Variants in MAPT observed in about 807,000 individuals in gnomAD.
MAPT encodes microtubule-associated protein tau.
MAPT carries 34 observed loss-of-function variants against 67.9 expected under a neutral mutation model. The ratio of observed to expected loss-of-function variants is 0.50; its 90% CI spans 0.38 to 0.67. The LOEUF (loss-of-function observed/expected upper bound fraction) is 0.67, where lower values mean the gene tolerates loss of function less well. Among genes scored for constraint, MAPT ranks in the 30% least tolerant of loss-of-function variants. MAPT has a pLI of 0.00. For synonymous variants in MAPT, 456 were observed against 464.5 expected (o/e 0.98, Z 0.23); for missense variants, 881 against 1,115.2 (o/e 0.79, Z 2.99).
intron 1 of MAPT, chr17:45,895,619 C>G (rs1202105828): frequency 6.6e-6 from 1 of 152,330 alleles, no homozygotes; most frequent in African/African-American, 2.4e-5. Context: ...GAGCGCAGGG[C>G]GCCCGGCGTG....
In MAPT at chr17:45,971,161, G is replaced by C. The variant is rs991668349; in HGVS notation, c.134-698G>C. 6.6e-6 allele frequency among the ~76,000 whole-genome samples: 1 copy of C among 152,112 alleles called. No individual in the cohort carries two copies. Among genetic ancestry groups the C allele is most frequent in the African/African-American group, 2.4e-5 (1 of 41,418 alleles). On this transcript the variant is annotated intron_variant, in intron 2 of 12. Transcript: ENST00000262410. This position sits in a 1 kb window ranked among gnomAD's most constrained non-coding sequence, Gnocchi z 4.3. ...GAGGTAGTTTTCTCATTTCTATTAA[G>C]GCAACAAAAGCTGCCTTACTAAGGA...
intron 11 of MAPT, among the ~76,000 whole-genome samples, chr17:46,017,191 C>G (rs1022953248): frequency 6.6e-6 from 1 of 152,230 alleles, no homozygotes; most frequent in Non-Finnish European, 1.5e-5. Context: ...TGTCATCTTT[C>G]CCTGGAAAGT....
At chr17:45,940,625 CAG>C (rs1190365330) in intron 1 of MAPT, among the ~76,000 whole-genome samples, 4 of 152,114 alleles carry the variant, frequency 2.6e-5, no homozygotes, top group Admixed American at 2.0e-4. Flanking sequence ...GAGGAGACGA[CAG>C]GGGATATGGG....
chr17:45,991,724 G>A, intron 8 of MAPT, 138 bp downstream of exon 8: 3 of 1,099,246 alleles, frequency 2.7e-6, no homozygotes, highest in Non-Finnish European at 4.1e-6. Flanking sequence ...CTAAGCACTG[G>A]AGTCTTCATT....
At chr17:45,999,610 G>A in intron 9 of MAPT, 1 of 1,612,254 alleles carries the variant, frequency 6.2e-7, no homozygotes, top group Non-Finnish European at 8.5e-7. Flanking sequence ...CCACCCTGCA[G>A]CTGCCCTGCC....
chr17:45,927,556 G>A (rs1447496765), intron 1 of MAPT, among the ~76,000 whole-genome samples: 1 of 152,138 alleles, frequency 6.6e-6, no homozygotes, highest in Non-Finnish European at 1.5e-5. Flanking sequence ...ACTGTCTCAG[G>A]AACGGTGCTT....
chr17:45,962,388 G>A lies in MAPT; in HGVS notation c.51G>A (p.Thr17=), dbSNP rs369969350. 2.1e-5 allele frequency: 34 copies of A among 1,612,616 alleles called. No individual in the cohort carries two copies. The highest frequency in any genetic ancestry group is 1.3e-4 in the African/African-American group (10 of 74,964). ...AAGTGATGGAAGATCACGCTGGGAC[G>A]TACGGGTTGGGGGACAGGAAAGATC... ...EFEVMEDHAG[T]YGLGDRKDQG... The change falls in exon 2 of 13, where the codon ACG becomes ACA. Residue 17 remains threonine, a synonymous_variant. Transcript: ENST00000262410.
chr17:45,972,188 A>G (rs2071764022), intron 3 of MAPT: 3 of 669,518 alleles, frequency 4.5e-6, no homozygotes, highest in Non-Finnish European at 8.2e-6. Context: ...AGTCCCGCGC[A>G]CAGCTCCACA....
chr17:45,946,615 A>AAAAAAAAAATATATATATATATAT, intron 1 of MAPT, among the ~76,000 whole-genome samples: 8 of 100,388 alleles, frequency 8.0e-5, no homozygotes, highest in Admixed American at 2.3e-4. Context: ...AAAAAAAAAA[A>AAAAAAAAAATATATATATATATAT]ATATATATAT....
rs1178844343 is a variant in MAPT at position 45,971,700 on chromosome 17, T to G, written c.134-159T>G. 1.3e-5 allele frequency among the ~76,000 whole-genome samples: 2 copies of G among 151,872 alleles called. No individual in the cohort carries two copies. The highest frequency in any genetic ancestry group is 2.9e-5 in the Non-Finnish European group (2 of 67,952). ...CGTGTTGGCAGGGAGGGAGGTGGGG[T>G]TGGTCCCCTTTGTGGGTTTGTTGCG... On this transcript the variant is annotated intron_variant, in intron 2 of 12. Transcript: ENST00000262410. The surrounding 1 kb of genome is among the most constrained non-coding windows in gnomAD (Gnocchi z 4.3).
At chr17:45,901,914 C>CT (rs55738902) in intron 1 of MAPT, among the ~76,000 whole-genome samples, 294 of 132,084 alleles carry the variant, frequency 2.2e-3, no homozygotes, top group Non-Finnish European at 2.9e-3. Flanking sequence ...AGGGATTTTA[C>CT]TTTTTTTTTT....
At chr17:45,900,807 A>G (rs1469373656) in intron 1 of MAPT, among the ~76,000 whole-genome samples, 1 of 152,072 alleles carries the variant, frequency 6.6e-6, no homozygotes, top group Non-Finnish European at 1.5e-5. Context: ...AGCTGCTTGG[A>G]GAGTTTTTTG....
intron 6 of MAPT, 107 bp from the exon 7 acceptor site, chr17:45,989,771 C>T: frequency 9.9e-7 from 1 of 1,011,882 alleles, no homozygotes; most frequent in South Asian, 1.3e-5. Context: ...TCACTGCTTT[C>T]AACCATTACC....
intron 1 of MAPT, among the ~76,000 whole-genome samples, chr17:45,941,680 C>CTCCTTCCTTCCTTCCTTCCTTCCT (rs1223967453): frequency 2.3e-4 from 11 of 47,274 alleles, no homozygotes; most frequent in African/African-American, 8.8e-4. Flanking sequence ...CCCCCCTTCC[C>CTCCTTCCTTCCTTCCTTCCTTCCT]TCCTTCCTTC....
chr17:45,964,406 G>A (rs1325835045), intron 2 of MAPT, among the ~76,000 whole-genome samples: 3 of 136,110 alleles, frequency 2.2e-5, no homozygotes, highest in Non-Finnish European at 3.0e-5. Flanking sequence ...GAGGCCGGGC[G>A]CGGTGGCTCA....
At chr17:45,909,529 G>A (rs969713628) in intron 1 of MAPT, among the ~76,000 whole-genome samples, 1 of 152,102 alleles carries the variant, frequency 6.6e-6, no homozygotes, top group African/African-American at 2.4e-5. Flanking sequence ...GAAGCCAGAA[G>A]TTCAAGACCA....
At chr17:46,017,804 C>T (rs932734695) in intron 11 of MAPT, among the ~76,000 whole-genome samples, 1 of 149,856 alleles carries the variant, frequency 6.7e-6, no homozygotes, top group African/African-American at 2.5e-5. Flanking sequence ...CAATTTAATT[C>T]CAAGGTCTTG....
At chr17:46,000,274 C>T (rs1455809040) in intron 9 of MAPT, among the ~76,000 whole-genome samples, 1 of 152,206 alleles carries the variant, frequency 6.6e-6, no homozygotes, top group African/African-American at 2.4e-5. Flanking sequence ...CTGTTTTCCC[C>T]TTTGTGCTTT....
rs2074185480 is a variant in MAPT, at chr17:45,992,938, A to G, written c.1732+1352A>G. On this transcript the variant is annotated intron_variant, in intron 8 of 12. Coordinates refer to ENST00000262410, the MANE Select transcript of MAPT (RefSeq NM_001377265.1). ...GTCGTCCTCTTTGGGGATTAGGGAC[A>G]GCCTGCCTGCCTGCCCGAGCACTTC... Among the ~76,000 whole-genome samples, 3 of 150,942 alleles carry G rather than the reference A, an allele frequency of 2.0e-5. No homozygotes were observed. In the South Asian group the frequency reaches 6.3e-4, roughly 32 times the overall value.
Sources: allele counts gnomAD v4.1 joint callset (sites outside exome capture counted in the v4.1 genomes callset), GRCh38; gene constraint gnomAD v4.1.1; non-coding constraint Gnocchi (gnomAD v3.1); transcripts MANE v1.5; gene names NCBI Gene and HGNC (gene_info 2026-07-23, HGNC 2026-07-21).